RBM33: variants seen among roughly 807,000 people sequenced by gnomAD.
RBM33 encodes RNA-binding protein 33.
Under a neutral mutation model 132.6 loss-of-function variants are expected in RBM33, and 28 were observed. The ratio of observed to expected loss-of-function variants is 0.21; its 90% CI spans 0.16 to 0.29. RBM33 has a LOEUF of 0.29. Among genes scored for constraint, RBM33 ranks in the 10% least tolerant of loss-of-function variants. The probability of loss-of-function intolerance (pLI) is 1.00; values close to 1 mark genes in which losing one functional copy is unlikely to be tolerated. For synonymous variants in RBM33, 634 were observed against 593.0 expected, an observed-to-expected ratio of 1.07 and a Z score of -1.01; for missense variants, 1,291 against 1,518.5, an observed-to-expected ratio of 0.85 and a Z score of 2.49.
chr7:155,743,614 A>G (rs964411326), intron 13 of RBM33, among the ~76,000 whole-genome samples: 8 of 152,184 alleles, frequency 5.3e-5, no homozygotes, highest in Non-Finnish European at 1.2e-4. Context: ...TTTTAGAAGA[A>G]AGATCTTCTA....
At chr7:155,757,914 T>C (rs557556677) in intron 14 of RBM33, among the ~76,000 whole-genome samples, 1 of 152,076 alleles carries the variant, frequency 6.6e-6, no homozygotes, top group South Asian at 2.1e-4. Context: ...CCATGCACTC[T>C]GAATGGCCAG....
intron 9 of RBM33, among the ~76,000 whole-genome samples, chr7:155,734,066 G>A (rs1441606919): frequency 6.6e-6 from 1 of 152,202 alleles, no homozygotes; most frequent in Non-Finnish European, 1.5e-5. Flanking sequence ...CGCCCAGTGC[G>A]TGCCTGGCTG....
At chr7:155,769,907 G>A (rs529400911) in intron 16 of RBM33, among the ~76,000 whole-genome samples, 10 of 152,284 alleles carry the variant, frequency 6.6e-5, no homozygotes, top group African/African-American at 2.4e-4. Context: ...TTAACTGGAG[G>A]CTCTCCCACA....
Position 155,742,052 on chromosome 7 carries a change from C to A in RBM33, c.2283C>A (p.Val761=), listed in dbSNP as rs1478828173. The part of the protein sequence containing the change: ...RSSQGKTEVK[V]KPASPVAQPK... ...CACAGGGAAAGACGGAAGTGAAAGT[C>A]AAGCCAGCTAGCCCTGTGGCTCAAC... is the stretch of plus-strand genomic sequence containing the variant. The change falls in exon 13 of 18, where the codon GTC becomes GTA. Residue 761 remains valine, a synonymous_variant. Transcript: ENST00000401878. The A allele has an allele frequency of 6.2e-7, 1 of 1,613,970 alleles. No homozygotes were observed. The highest frequency in any genetic ancestry group is 8.5e-7 in the Non-Finnish European group (1 of 1,179,894).
At chr7:155,763,784 C>A (rs755606197) in intron 14 of RBM33, 28 bp from the exon 15 acceptor site, 2 of 1,589,396 alleles carry the variant, frequency 1.3e-6, no homozygotes, top group Non-Finnish European at 8.6e-7. Context: ...AGACACTGAA[C>A]AACGTGCTGC....
intron 2 of RBM33, among the ~76,000 whole-genome samples, chr7:155,670,253 A>G (rs951244953): frequency 1.3e-5 from 2 of 152,240 alleles, no homozygotes; most frequent in Admixed American, 6.5e-5. Context: ...AGGGAACTCT[A>G]GAATTGAACA....
intron 8 of RBM33, among the ~76,000 whole-genome samples, chr7:155,716,332 T>TA (rs1554477956): frequency 1.1e-4 from 17 of 149,938 alleles, no homozygotes; most frequent in Admixed American, 1.1e-3. Context: ...TTTTTTTTTT[T>TA]AAATAGGGAA....
Position 155,774,448 on chromosome 7 carries a change from A to G in RBM33, c.3376-111A>G. On this transcript the variant is annotated intron_variant, in intron 16 of 17. Coordinates refer to ENST00000401878, the MANE Select transcript of RBM33 (RefSeq NM_053043.3). This position sits in a 1 kb window ranked among gnomAD's most constrained non-coding sequence, Gnocchi z 4.2. ...AGGAAAATCAATTAGTGTGTTCCAA[A>G]TGTCCGCCTGGACTCATTTTGTGTT... 1 of 744,758 alleles carries G rather than the reference A, an allele frequency of 1.3e-6. No homozygotes were observed. Among genetic ancestry groups the G allele is most frequent in the Non-Finnish European group, 2.2e-6 (1 of 450,898 alleles). The allele number at this position is 744,758 out of a possible 1,614,324, so 46.1% of individuals were successfully genotyped here.
chr7:155,706,246 C>T (rs1800109290), intron 6 of RBM33, among the ~76,000 whole-genome samples: 1 of 152,188 alleles, frequency 6.6e-6, no homozygotes, highest in South Asian at 2.1e-4. Context: ...AATCCTAGCA[C>T]TTTGGGAGGC....
In RBM33 at chr7:155,774,479, T is replaced by C; in HGVS notation, c.3376-80T>C. ...GCCTGGACTCATTTTGTGTTAAAAC[T>C]AATAATGCTTAAATATATATATTCA... On this transcript the variant is annotated intron_variant, in intron 16 of 17. Coordinates refer to ENST00000401878, the MANE Select transcript of RBM33 (RefSeq NM_053043.3). This position sits in a 1 kb window ranked among gnomAD's most constrained non-coding sequence, Gnocchi z 4.2. 1 of 1,059,284 alleles carries C rather than the reference T, an allele frequency of 9.4e-7. No individual in the cohort carries two copies. Among genetic ancestry groups the C allele is most frequent in the Non-Finnish European group, 1.4e-6 (1 of 703,854 alleles). The allele number at this position is 1,059,284 out of a possible 1,614,324, so 65.6% of individuals were successfully genotyped here. A position where few individuals can be genotyped will look rare whatever the true frequency, so the allele number is the denominator to read the frequency against.
chr7:155,648,890 C>A (rs1798273866), intron 1 of RBM33, among the ~76,000 whole-genome samples: 1 of 152,112 alleles, frequency 6.6e-6, no homozygotes, highest in Admixed American at 6.5e-5. Flanking sequence ...TATGGAGGAT[C>A]CTTTGTACAT....
chr7:155,646,147 A>C (rs1798183619), intron 1 of RBM33, among the ~76,000 whole-genome samples: 3 of 152,162 alleles, frequency 2.0e-5, no homozygotes, highest in Non-Finnish European at 4.4e-5. Context: ...AGAAAGACTA[A>C]GGTGTTATTT....
chr7:155,730,475 G>A (rs1800924045), intron 9 of RBM33, among the ~76,000 whole-genome samples: 1 of 152,202 alleles, frequency 6.6e-6, no homozygotes, highest in African/African-American at 2.4e-5. Context: ...GCTAGGTACT[G>A]TCCTAAGGAC....
At chr7:155,649,537 C>T (rs1184845408) in intron 1 of RBM33, among the ~76,000 whole-genome samples, 1 of 152,166 alleles carries the variant, frequency 6.6e-6, no homozygotes. Context: ...TTTTTTCGGT[C>T]CCTCAGTTTT....
chr7:155,731,970 A>T (rs1282807374), intron 9 of RBM33, among the ~76,000 whole-genome samples: 1 of 152,232 alleles, frequency 6.6e-6, no homozygotes, highest in Non-Finnish European at 1.5e-5. Context: ...TGTTCTAATT[A>T]TAGGCAAAAT....
intron 5 of RBM33, among the ~76,000 whole-genome samples, chr7:155,693,166 C>A (rs1360246586): frequency 6.6e-6 from 1 of 152,036 alleles, no homozygotes; most frequent in Non-Finnish European, 1.5e-5. Flanking sequence ...TCTTTGTATT[C>A]CAATATTTTC....
At chr7:155,719,143 AGTTT>A (rs1292683065) in intron 9 of RBM33, among the ~76,000 whole-genome samples, 2 of 152,094 alleles carry the variant, frequency 1.3e-5, no homozygotes, top group Non-Finnish European at 2.9e-5. Context: ...TTCAGTGTGT[AGTTT>A]GTTCATGGTT....
chr7:155,680,524 A>G, intron 4 of RBM33, 66 bp from the exon 5 acceptor site: 2 of 1,117,648 alleles, frequency 1.8e-6, no homozygotes, highest in South Asian at 1.6e-5. Context: ...AGCTATTTAT[A>G]TAATGATTTA....
rs1365248041 is a variant in RBM33, at chr7:155,780,043, T to C, written c.*5002T>C. 6.6e-6 allele frequency: 1 copy of C among 152,248 alleles called. No homozygotes were observed. Among genetic ancestry groups the C allele is most frequent in the Non-Finnish European group, 1.5e-5 (1 of 68,036 alleles). The allele number at this position is 152,248 out of a possible 1,614,324, so 9.4% of individuals were successfully genotyped here. A position where few individuals can be genotyped will look rare whatever the true frequency, so the allele number is the denominator to read the frequency against. On this transcript the variant is annotated 3_prime_UTR_variant, in exon 18 of 18. Transcript: ENST00000401878. ...GGCAGACAGGTACTATTGTAATGTA[T>C]TCTGTATTTAATAATTTAATATACT... is the stretch of plus-strand genomic sequence containing the variant.
Sources: allele counts gnomAD v4.1 joint callset (sites outside exome capture counted in the v4.1 genomes callset), GRCh38; gene constraint gnomAD v4.1.1; non-coding constraint Gnocchi (gnomAD v3.1); transcripts MANE v1.5; gene names NCBI Gene and HGNC (gene_info 2026-07-23, HGNC 2026-07-21).